The following INPP1 variants were observed in gnomAD, a reference collection of about 807,000 sequenced individuals.
The protein encoded by INPP1 is inositol polyphosphate-1-phosphatase.
INPP1 carries 18 observed loss-of-function variants against 23.0 expected under a neutral mutation model. That is an observed-to-expected ratio of 0.78 (90% CI 0.54 to 1.16). INPP1 has a LOEUF of 1.16. Ranked by LOEUF, INPP1 falls within the 50% of genes most tolerant of loss-of-function variation. The pLI is 0.00. For synonymous variants in INPP1, 164 were observed against 176.3 expected (o/e 0.93, Z 0.55); for missense variants, 448 against 482.1 (o/e 0.93, Z 0.66).
In INPP1 at chr2:190,370,829, A is replaced by C. The variant is rs746582941; in HGVS notation, c.642-15A>C. ...AATGTGATAATCATCACCAATTGAA[A>C]TTTTTCTTCTACAGGTGGAAAGGAC... On this transcript the variant is annotated splice_polypyrimidine_tract_variant and intron_variant, in intron 6 of 6. Transcript: ENST00000392329. 1.3e-6 allele frequency: 2 copies of C among 1,552,958 alleles called. No individual in the cohort carries two copies. The highest frequency in any genetic ancestry group is 1.7e-6 in the Non-Finnish European group (2 of 1,149,276).
chr2:190,353,127 C>A (rs932045276), intron 2 of INPP1, among the ~76,000 whole-genome samples: 2 of 152,188 alleles, frequency 1.3e-5, no homozygotes, highest in Admixed American at 1.3e-4. Context: ...ATGTCATCAC[C>A]CTTCTGTCAC....
intron 3 of INPP1, 36 bp from the exon 4 acceptor site, chr2:190,362,591 T>A: frequency 7.1e-7 from 1 of 1,415,964 alleles, no homozygotes; most frequent in South Asian, 1.2e-5. Context: ...TGTGTGGGTT[T>A]TTGTTTTGTT....
At chr2:190,357,549 T>C (rs183899908) in intron 2 of INPP1, among the ~76,000 whole-genome samples, 3 of 152,360 alleles carry the variant, frequency 2.0e-5, no homozygotes, top group Admixed American at 2.0e-4. Flanking sequence ...TATTATTAAA[T>C]ATTCTTCAAA....
rs1187949526 is a variant in INPP1 at position 190,345,476 on chromosome 2, A to T, written c.-209+1515A>T. 1.3e-5 allele frequency: 2 copies of T among 152,222 alleles called. No homozygotes were observed. Among genetic ancestry groups the T allele is most frequent in the African/African-American group, 2.4e-5 (1 of 41,452 alleles). The allele number at this position is 152,222 out of a possible 1,614,324, so 9.4% of individuals were successfully genotyped here. ...ATTCTGTCTCTAATAACAGTTAGAA[A>T]ATGTCTCATTCTATTTCATGTTATA... On this transcript the variant is annotated intron_variant, in intron 1 of 6. Transcript: ENST00000392329. This position sits in a 1 kb window ranked among gnomAD's most constrained non-coding sequence, Gnocchi z 4.9.
At chr2:190,366,598 G>T (rs1321359686) in intron 4 of INPP1, 97 bp from the exon 5 acceptor site, 17 of 856,522 alleles carry the variant, frequency 2.0e-5, no homozygotes, top group Non-Finnish European at 2.9e-5. Context: ...TCTCTCTCTC[G>T]CTCTCTCTGT....
In INPP1 at chr2:190,369,111, T is replaced by C; in HGVS notation, c.475T>C (p.Tyr159His). Residue 159 changes from tyrosine to histidine, a missense_variant, in exon 6 of 7, where the codon TAT (tyrosine) becomes CAT (histidine). By Grantham distance (83) the Tyr-to-His change is moderately conservative. Coordinates refer to ENST00000392329, the MANE Select transcript of INPP1 (RefSeq NM_001128928.2). ...GIWVDPIDST[Y>H]QYIKGSADIK... is the part of the protein sequence containing the mutation. ...TTTGTTTCCTTTTTCAGATTCAACT[T>C]ATCAGTATATAAAAGGTTCTGCTGA... 1 of 1,569,480 alleles carries C rather than the reference T, an allele frequency of 6.4e-7. No homozygotes were observed. The highest frequency in any genetic ancestry group is 8.7e-7 in the Non-Finnish European group (1 of 1,151,480).
At position 190,346,959 on chromosome 2, in the gene INPP1, A is replaced by G. The variant is rs1408386488; in HGVS notation, c.-208-1929A>G. Among the ~76,000 whole-genome samples the G allele has an allele frequency of 2.6e-5, 4 of 151,000 alleles. No homozygotes were observed. Among genetic ancestry groups the G allele is most frequent in the Non-Finnish European group, 4.4e-5 (3 of 67,880 alleles). ...TTACCTCTTCCATGTGCCTGATTAAATAATTATAGGCAAGACAGGCATGCA... is the reference window on the plus strand; with the variant it reads ...TTACCTCTTCCATGTGCCTGATTAAGTAATTATAGGCAAGACAGGCATGCA... On this transcript the variant is annotated intron_variant, in intron 1 of 6. Transcript: ENST00000392329. This position sits in a 1 kb window ranked among gnomAD's most constrained non-coding sequence, Gnocchi z 5.1.
intron 3 of INPP1, among the ~76,000 whole-genome samples, chr2:190,361,438 A>C (rs1185346618): frequency 2.0e-5 from 3 of 152,240 alleles, no homozygotes; most frequent in Admixed American, 1.3e-4. Flanking sequence ...AAATCTCTAC[A>C]AACTATACTT....
chr2:190,352,001 A>C lies in INPP1; in HGVS notation c.-65+2970A>C, dbSNP rs1406114913. Reference sequence around the variant, plus strand: ...TTTTTTATTTTAGCTATTCCATTGGATACATAGTGGCACCCTGTTGAGATT... The same window carrying C: ...TTTTTTATTTTAGCTATTCCATTGGCTACATAGTGGCACCCTGTTGAGATT... On this transcript the variant is annotated intron_variant, in intron 2 of 6. Coordinates refer to ENST00000392329, the MANE Select transcript of INPP1 (RefSeq NM_001128928.2). The surrounding 1 kb of genome is among the most constrained non-coding windows in gnomAD (Gnocchi z 4.7). Among the ~76,000 whole-genome samples, 1 of 152,222 alleles carries C rather than the reference A, an allele frequency of 6.6e-6. No individual in the cohort carries two copies. The highest frequency in any genetic ancestry group is 2.4e-5 in the African/African-American group (1 of 41,452).
In INPP1 at chr2:190,367,216, A is replaced by G. The variant is rs1689698701; in HGVS notation, c.466+321A>G. ...CTTCAGGGACCAGACTGGTAAGTAA[A>G]TGAGAGAATGAAGTGAGAGCAGTTA... On this transcript the variant is annotated intron_variant, in intron 5 of 6. Coordinates refer to ENST00000392329, the MANE Select transcript of INPP1 (RefSeq NM_001128928.2). The surrounding 1 kb of genome is among the most constrained non-coding windows in gnomAD (Gnocchi z 4.1). Among the ~76,000 whole-genome samples, 1 of 152,192 alleles carries G rather than the reference A, an allele frequency of 6.6e-6. No individual in the cohort carries two copies.
intron 6 of INPP1, 125 bp downstream of exon 6, chr2:190,369,402 A>C: frequency 1.9e-6 from 1 of 515,916 alleles, no homozygotes; most frequent in East Asian, 3.0e-5. Flanking sequence ...TGCCATTGAA[A>C]GTCTGCGTAT....
intron 2 of INPP1, among the ~76,000 whole-genome samples, chr2:190,357,159 C>T (rs1216439647): frequency 3.3e-5 from 5 of 152,272 alleles, no homozygotes; most frequent in South Asian, 2.1e-4. Context: ...TTTGAGTTTT[C>T]ACTAGATCTT....
chr2:190,365,151 A>G (rs1689618952), intron 4 of INPP1: 1 of 169,204 alleles, frequency 5.9e-6, no homozygotes, highest in Non-Finnish European at 1.5e-5. Context: ...AAACCAGATT[A>G]ATCAAGGGTC....
rs910117568 is a variant in INPP1 at position 190,345,199 on chromosome 2, A to C, written c.-209+1238A>C. ...TTAGTCATGAAGAGAATTATGTCAA[A>C]TACATAGAGTTACACTGTACTTTTT... On this transcript the variant is annotated intron_variant, in intron 1 of 6. Transcript: ENST00000392329. This position sits in a 1 kb window ranked among gnomAD's most constrained non-coding sequence, Gnocchi z 4.9. Among the ~76,000 whole-genome samples, 4 of 152,230 alleles carry C rather than the reference A, an allele frequency of 2.6e-5. No individual in the cohort carries two copies. The highest frequency in any genetic ancestry group is 9.6e-5 in the African/African-American group (4 of 41,462).
At chr2:190,358,327 T>C (rs550764888) in intron 2 of INPP1, among the ~76,000 whole-genome samples, 1 of 152,320 alleles carries the variant, frequency 6.6e-6, no homozygotes, top group East Asian at 1.9e-4. Flanking sequence ...TCCATGCGCC[T>C]TGGCCTCCCA....
rs7601609 is a variant in INPP1 at position 190,355,124 on chromosome 2, G to T, written c.-64-4915G>T. 0.15 allele frequency among the ~76,000 whole-genome samples: 22,471 copies of T among 151,974 alleles called. 3,039 individuals are homozygous for T. The highest frequency in any genetic ancestry group is 0.36 in the African/African-American group (14,710 of 41,352). On this transcript the variant is annotated intron_variant, in intron 2 of 6. Coordinates refer to ENST00000392329, the MANE Select transcript of INPP1 (RefSeq NM_001128928.2). This position sits in a 1 kb window ranked among gnomAD's most constrained non-coding sequence, Gnocchi z 5.1. ...GCCAGCTTGCCTAGGTTTGAATCTT[G>T]TCCCACAACTTCCTAGCTCTGTGAT... is the stretch of plus-strand genomic sequence containing the variant.
chr2:190,357,505 T>A (rs1298076172), intron 2 of INPP1, among the ~76,000 whole-genome samples: 2 of 152,248 alleles, frequency 1.3e-5, no homozygotes, highest in African/African-American at 4.8e-5. Context: ...TAGGTAGTTT[T>A]TCCACTTAAC....
intron 4 of INPP1, chr2:190,365,211 T>C (rs544266317): frequency 1.7e-4 from 29 of 168,914 alleles, no homozygotes; most frequent in East Asian, 1.3e-3. Flanking sequence ...CGGTAACTTA[T>C]CGTTTCATTT....
intron 4 of INPP1, among the ~76,000 whole-genome samples, chr2:190,366,324 TCA>T (rs1689669007): frequency 6.6e-6 from 1 of 151,754 alleles, no homozygotes; most frequent in African/African-American, 2.4e-5. Flanking sequence ...TCTCTCTGTC[TCA>T]CTCTCTCGCT....
Sources: gnomAD v4.1 joint callset for allele counts (sites outside exome capture counted in the v4.1 genomes callset) on GRCh38, gnomAD v4.1.1 for gene constraint, Gnocchi (gnomAD v3.1) non-coding constraint, MANE v1.5 for transcripts, NCBI Gene and HGNC (gene_info 2026-07-23, HGNC 2026-07-21) for gene names.